Variants in CETN1 observed in about 807,000 individuals in gnomAD.
The protein encoded by CETN1 is centrin-1.
In CETN1, 6 loss-of-function variants were observed where a neutral mutation model predicts 8.1. The observed-to-expected ratio is 0.74, with a 90% CI of 0.40 to 1.46. The LOEUF (loss-of-function observed/expected upper bound fraction) is 1.46, where lower values mean the gene tolerates loss of function less well. Among genes scored for constraint, CETN1 ranks in the 40% most tolerant of loss-of-function variants. CETN1 has a pLI of 0.02. For missense variants in CETN1, 215 were observed against 226.2 expected, an observed-to-expected ratio of 0.95 and a Z score of 0.32; for synonymous variants, 99 against 90.3, an observed-to-expected ratio of 1.10 and a Z score of -0.55.
Position 580,801 on chromosome 18 carries a change from C to A in CETN1, c.393C>A (p.Asn131Lys). Residue 131 changes from asparagine (N) to lysine (K), a missense_variant, in exon 1 of 1, where the codon AAC (asparagine) becomes AAA (lysine). Asn to Lys is a moderately conservative substitution (Grantham distance 94). Transcript: ENST00000327228. The surrounding 1 kb of genome is among the most constrained non-coding windows in gnomAD (Gnocchi z 6.1). Reference protein sequence around the residue: ...ISFKNLKRVANELGENLTDEE... With the variant: ...ISFKNLKRVAKELGENLTDEE... ...TCAAAAACCTGAAGCGTGTGGCCAA[C>A]GAGCTGGGGGAGAACCTCACGGATG... 1 of 1,613,988 alleles carries A rather than the reference C, an allele frequency of 6.2e-7. No individual in the cohort carries two copies. The highest frequency in any genetic ancestry group is 8.5e-7 in the Non-Finnish European group (1 of 1,179,996).
rs777127670 is a variant in CETN1 at position 580,860 on chromosome 18, G to A, written c.452G>A (p.Arg151Gln). 1.2e-6 allele frequency: 2 copies of A among 1,614,052 alleles called. No individual in the cohort carries two copies. The highest frequency in any genetic ancestry group is 1.7e-6 in the Non-Finnish European group (2 of 1,179,996). ...CAGGAGATGATCGACGAAGCTGATC[G>A]GGATGGGGACGGCGAAGTGAACGAG... ...ELQEMIDEAD[R>Q]DGDGEVNEEE... Residue 151 changes from arginine to glutamine, a missense_variant, in exon 1 of 1, where the codon CGG becomes CAG. Transcript: ENST00000327228. This position sits in a 1 kb window ranked among gnomAD's most constrained non-coding sequence, Gnocchi z 6.1.
In CETN1 at chr18:580,388, C is replaced by G. The variant is rs2072542263; in HGVS notation, c.-21C>G. 2 of 1,550,058 alleles carry G rather than the reference C, an allele frequency of 1.3e-6. No individual in the cohort carries two copies. The highest frequency in any genetic ancestry group is 1.7e-6 in the Non-Finnish European group (2 of 1,150,094). ...GAGCGCGGGGCGGTGCCGTTGGGAC[C>G]ACGGCGGCCAGAGCGGCAGGATGGC... is the stretch of plus-strand genomic sequence containing the variant. On this transcript the variant is annotated 5_prime_UTR_variant, in exon 1 of 1. Coordinates refer to ENST00000327228, the MANE Select transcript of CETN1 (RefSeq NM_004066.3). This position sits in a 1 kb window ranked among gnomAD's most constrained non-coding sequence, Gnocchi z 6.1.
rs981380917 is a variant in CETN1, at chr18:581,436, A to G, written c.*509A>G. The G allele has an allele frequency of 1.2e-5, 2 of 170,188 alleles. No individual in the cohort carries two copies. Among genetic ancestry groups the G allele is most frequent in the African/African-American group, 4.8e-5 (2 of 41,472 alleles). 10.5% of individuals were successfully genotyped at this position (170,188 alleles called of 1,614,324 possible). Reference sequence around the variant, plus strand: ...GGCCACTTACAAACTTACGGAGCTCAGGACAGATAATCTTATAAAGAATAG... The same window carrying G: ...GGCCACTTACAAACTTACGGAGCTCGGGACAGATAATCTTATAAAGAATAG... On this transcript the variant is annotated 3_prime_UTR_variant, in exon 1 of 1. Transcript: ENST00000327228.
Position 580,572 on chromosome 18 carries a change from T to C in CETN1, c.164T>C (p.Val55Ala). ...SGTIDAKELK[V>A]AMRALGFEPR... ...ACCATCGACGCGAAGGAGCTGAAGG[T>C]GGCCATGAGAGCGCTGGGCTTCGAA... Residue 55 changes from valine to alanine, a missense_variant, in exon 1 of 1, where the codon GTG (valine) becomes GCG (alanine). Transcript: ENST00000327228. This position sits in a 1 kb window ranked among gnomAD's most constrained non-coding sequence, Gnocchi z 6.1. The C allele has an allele frequency of 6.2e-7, 1 of 1,614,014 alleles. No individual in the cohort carries two copies. The highest frequency in any genetic ancestry group is 8.5e-7 in the Non-Finnish European group (1 of 1,179,998).
At position 581,120 on chromosome 18, in the gene CETN1, G is replaced by C. The variant is rs955472579; in HGVS notation, c.*193G>C. 1.5e-6 allele frequency: 1 copy of C among 662,826 alleles called. No homozygotes were observed. Among genetic ancestry groups the C allele is most frequent in the Non-Finnish European group, 2.5e-6 (1 of 393,520 alleles). The allele number at this position is 662,826 out of a possible 1,614,324, so 41.1% of individuals were successfully genotyped here. A position where few individuals can be genotyped will look rare whatever the true frequency, so the allele number is the denominator to read the frequency against. On this transcript the variant is annotated 3_prime_UTR_variant, in exon 1 of 1. Transcript: ENST00000327228. ...GTGAGTTTTGGGTTTTAATTCTCAA[G>C]AGTCAACCTGGAGCACATGAGGTTA...
rs1195128251 is a variant in CETN1, at chr18:581,585, G to A, written c.*658G>A. On this transcript the variant is annotated 3_prime_UTR_variant, in exon 1 of 1. Coordinates refer to ENST00000327228, the MANE Select transcript of CETN1 (RefSeq NM_004066.3). ...TTATCTAGGGCTAGTATGTATACCT[G>A]GGCTACAGAATAAAAATAAAATCTA... The A allele has an allele frequency of 6.0e-6, 1 of 166,846 alleles. No homozygotes were observed. Among genetic ancestry groups the A allele is most frequent in the Non-Finnish European group, 1.5e-5 (1 of 68,106 alleles). 10.3% of individuals were successfully genotyped at this position (166,846 alleles called of 1,614,324 possible).
In CETN1 at chr18:580,404, G is replaced by T. The variant is rs764188717; in HGVS notation, c.-5G>T. 2.0e-4 allele frequency: 317 copies of T among 1,557,256 alleles called. No homozygotes were observed. Among genetic ancestry groups the T allele is most frequent in the Non-Finnish European group, 2.7e-4 (308 of 1,154,884 alleles). On this transcript the variant is annotated 5_prime_UTR_variant, in exon 1 of 1. Transcript: ENST00000327228. This position sits in a 1 kb window ranked among gnomAD's most constrained non-coding sequence, Gnocchi z 6.1. ...CGTTGGGACCACGGCGGCCAGAGCG[G>T]CAGGATGGCTTCCGGCTTCAAGAAG... is the stretch of plus-strand genomic sequence containing the variant.
At position 581,008 on chromosome 18, in the gene CETN1, C is replaced by T; in HGVS notation, c.*81C>T. 1 of 1,419,318 alleles carries T rather than the reference C, an allele frequency of 7.0e-7. No individual in the cohort carries two copies. Among genetic ancestry groups the T allele is most frequent in the East Asian group, 2.3e-5 (1 of 43,626 alleles). 87.9% of individuals were successfully genotyped at this position (1,419,318 alleles called of 1,614,324 possible). A position where few individuals can be genotyped will look rare whatever the true frequency, so the allele number is the denominator to read the frequency against. ...CCTTAGAGGACAGCGGCTGCCTGTC[C>T]CTTCTTCACCCCCTCACCCCCATAA... is the stretch of plus-strand genomic sequence containing the variant. On this transcript the variant is annotated 3_prime_UTR_variant, in exon 1 of 1. Transcript: ENST00000327228.
rs1182693476 is a variant in CETN1, at chr18:581,378, T to G, written c.*451T>G. 1 of 172,312 alleles carries G rather than the reference T, an allele frequency of 5.8e-6. No individual in the cohort carries two copies. The highest frequency in any genetic ancestry group is 1.4e-5 in the Non-Finnish European group (1 of 71,464). 10.7% of individuals were successfully genotyped at this position (172,312 alleles called of 1,614,324 possible). ...CAGTAGATTTGCCTAGCCTGTCCAC[T>G]TAGCTGAATACCAGTTTGAAGGAAA... On this transcript the variant is annotated 3_prime_UTR_variant, in exon 1 of 1. Coordinates refer to ENST00000327228, the MANE Select transcript of CETN1 (RefSeq NM_004066.3).
In CETN1 at chr18:580,935, T is replaced by C. The variant is rs761061148; in HGVS notation, c.*8T>C. On this transcript the variant is annotated 3_prime_UTR_variant, in exon 1 of 1. Coordinates refer to ENST00000327228, the MANE Select transcript of CETN1 (RefSeq NM_004066.3). The surrounding 1 kb of genome is among the most constrained non-coding windows in gnomAD (Gnocchi z 6.1). The stretch of plus-strand genomic sequence containing the variant: ...AAGACCAGCCTTTACTGAAGTCGGT[T>C]CAGAAGCTAAAGTGACTCTCTGGGT... 1 of 1,599,728 alleles carries C rather than the reference T, an allele frequency of 6.3e-7. No homozygotes were observed. Among genetic ancestry groups the C allele is most frequent in the Admixed American group, 1.7e-5 (1 of 58,690 alleles).
In CETN1 at chr18:581,070, A is replaced by G; in HGVS notation, c.*143A>G. On this transcript the variant is annotated 3_prime_UTR_variant, in exon 1 of 1. Transcript: ENST00000327228. ...CTATTTCCATATCTCTAGTTCAATA[A>G]TAGAATTTGAAAGATGCTTGTAATG... 3.5e-6 allele frequency: 3 copies of G among 868,262 alleles called. No homozygotes were observed. Among genetic ancestry groups the G allele is most frequent in the Non-Finnish European group, 5.3e-6 (3 of 569,934 alleles). 53.8% of individuals were successfully genotyped at this position (868,262 alleles called of 1,614,324 possible). A position where few individuals can be genotyped will look rare whatever the true frequency, so the allele number is the denominator to read the frequency against.
chr18:580,777 CA>C lies in CETN1; in HGVS notation c.374del (p.Asn125ThrfsTer2), dbSNP rs1483176907. On this transcript the variant is annotated frameshift_variant, in exon 1 of 1. Transcript: ENST00000327228. LOFTEE classifies it high-confidence loss of function. This position sits in a 1 kb window ranked among gnomAD's most constrained non-coding sequence, Gnocchi z 6.1. Reference sequence around the variant, plus strand: ...ACGATGAGACCGGGAAGATCTCGTTCAAAAACCTGAAGCGTGTGGCCAACGA... The same window carrying C: ...ACGATGAGACCGGGAAGATCTCGTTCAAAACCTGAAGCGTGTGGCCAACGA... The part of the protein sequence containing the change: ...DDDETGKISF[K>X]NLKRVANELG... 1.9e-6 allele frequency: 3 copies of C among 1,613,862 alleles called. No homozygotes were observed. Among genetic ancestry groups the C allele is most frequent in the East Asian group, 4.5e-5 (2 of 44,856 alleles).
In CETN1 at chr18:582,029, T is replaced by C. The variant is rs1247298342; in HGVS notation, c.*1102T>C. 2.4e-5 allele frequency: 4 copies of C among 166,294 alleles called. No homozygotes were observed. Among genetic ancestry groups the C allele is most frequent in the Non-Finnish European group, 4.4e-5 (3 of 68,112 alleles). The allele number at this position is 166,294 out of a possible 1,614,324, so 10.3% of individuals were successfully genotyped here. A position where few individuals can be genotyped will look rare whatever the true frequency, so the allele number is the denominator to read the frequency against. On this transcript the variant is annotated 3_prime_UTR_variant, in exon 1 of 1. Transcript: ENST00000327228. ...TTATTTTTTGCTTTGGAGTAAGATA[T>C]CATCATTTTGCATAGCTACAAATCT...
In CETN1 at chr18:580,498, G is replaced by A. The variant is rs767372763; in HGVS notation, c.90G>A (p.Lys30=). ...APKPELTEDQ[K]QEVREAFDLF... ...AGCCCGAGCTCACTGAGGATCAGAAGCAAGAAGTTCGGGAAGCATTTGACC... is the reference window on the plus strand; with the variant it reads ...AGCCCGAGCTCACTGAGGATCAGAAACAAGAAGTTCGGGAAGCATTTGACC... The change falls in exon 1 of 1, where the codon AAG becomes AAA. Residue 30 remains lysine, a synonymous_variant. Coordinates refer to ENST00000327228, the MANE Select transcript of CETN1 (RefSeq NM_004066.3). The surrounding 1 kb of genome is among the most constrained non-coding windows in gnomAD (Gnocchi z 6.1). 1.2e-6 allele frequency: 2 copies of A among 1,614,212 alleles called. No homozygotes were observed. The highest frequency in any genetic ancestry group is 8.5e-7 in the Non-Finnish European group (1 of 1,180,020).
chr18:580,525 C>A lies in CETN1; in HGVS notation c.117C>A (p.Leu39=), dbSNP rs1484214382. The change falls in exon 1 of 1, where the codon CTC becomes CTA. Residue 39 remains leucine (L), a synonymous_variant. Transcript: ENST00000327228. The surrounding 1 kb of genome is among the most constrained non-coding windows in gnomAD (Gnocchi z 6.1). ...AAGAAGTTCGGGAAGCATTTGACCTCTTCGACGTGGACGGAAGTGGGACCA... is the reference window on the plus strand; with the variant it reads ...AAGAAGTTCGGGAAGCATTTGACCTATTCGACGTGGACGGAAGTGGGACCA... ...QKQEVREAFD[L]FDVDGSGTID... is the part of the protein sequence containing the mutation. The A allele has an allele frequency of 6.2e-7, 1 of 1,614,190 alleles. No homozygotes were observed. The highest frequency in any genetic ancestry group is 1.1e-5 in the South Asian group (1 of 91,088).
Position 580,477 on chromosome 18 carries a change from C to A in CETN1, c.69C>A (p.Pro23=). 6.2e-7 allele frequency: 1 copy of A among 1,613,726 alleles called. No homozygotes were observed. The change falls in exon 1 of 1, where the codon CCC becomes CCA. Residue 23 remains proline, a synonymous_variant. Transcript: ENST00000327228. The surrounding 1 kb of genome is among the most constrained non-coding windows in gnomAD (Gnocchi z 6.1). ...TGQKRKVAPK[P]ELTEDQKQEV... Reference sequence around the variant, plus strand: ...AAAAGAGAAAGGTGGCACCTAAGCCCGAGCTCACTGAGGATCAGAAGCAAG... The same window carrying A: ...AAAAGAGAAAGGTGGCACCTAAGCCAGAGCTCACTGAGGATCAGAAGCAAG...
chr18:580,464 T>C lies in CETN1; in HGVS notation c.56T>C (p.Val19Ala). ...GCCTCCACCGGCCAAAAGAGAAAGG[T>C]GGCACCTAAGCCCGAGCTCACTGAG... ...SAASTGQKRK[V>A]APKPELTEDQ... is the part of the protein sequence containing the mutation. Residue 19 changes from valine to alanine, a missense_variant, in exon 1 of 1, where the codon GTG becomes GCG. Coordinates refer to ENST00000327228, the MANE Select transcript of CETN1 (RefSeq NM_004066.3). This position sits in a 1 kb window ranked among gnomAD's most constrained non-coding sequence, Gnocchi z 6.1. The C allele has an allele frequency of 6.2e-7, 1 of 1,611,598 alleles. No homozygotes were observed. Among genetic ancestry groups the C allele is most frequent in the East Asian group, 2.2e-5 (1 of 44,726 alleles).
Position 580,735 on chromosome 18 carries a change from C to A in CETN1, c.327C>A (p.Ala109=). The part of the protein sequence containing the change: ...EKDTKEEILK[A]FRLFDDDETG... Reference sequence around the variant, plus strand: ...ACACCAAAGAAGAAATCCTGAAGGCCTTCAGGCTCTTTGATGACGATGAGA... The same window carrying A: ...ACACCAAAGAAGAAATCCTGAAGGCATTCAGGCTCTTTGATGACGATGAGA... Residue 109 remains alanine (A), a synonymous_variant, in exon 1 of 1, where the codon GCC becomes GCA. Transcript: ENST00000327228. The surrounding 1 kb of genome is among the most constrained non-coding windows in gnomAD (Gnocchi z 6.1). The A allele has an allele frequency of 6.2e-7, 1 of 1,613,980 alleles. No homozygotes were observed. Among genetic ancestry groups the A allele is most frequent in the Non-Finnish European group, 8.5e-7 (1 of 1,180,032 alleles).
chr18:580,984 C>T lies in CETN1; in HGVS notation c.*57C>T. The T allele has an allele frequency of 1.3e-6, 2 of 1,545,882 alleles. No homozygotes were observed. The highest frequency in any genetic ancestry group is 1.7e-6 in the Non-Finnish European group (2 of 1,146,092). On this transcript the variant is annotated 3_prime_UTR_variant, in exon 1 of 1. Coordinates refer to ENST00000327228, the MANE Select transcript of CETN1 (RefSeq NM_004066.3). This position sits in a 1 kb window ranked among gnomAD's most constrained non-coding sequence, Gnocchi z 6.1. Reference sequence around the variant, plus strand: ...GTTGCCTGCTTCCATTTTGTGAAACCTTAGAGGACAGCGGCTGCCTGTCCC... The same window carrying T: ...GTTGCCTGCTTCCATTTTGTGAAACTTTAGAGGACAGCGGCTGCCTGTCCC...
Sources: gnomAD v4.1 joint callset for allele counts on GRCh38, gnomAD v4.1.1 for gene constraint, Gnocchi (gnomAD v3.1) non-coding constraint, MANE v1.5 for transcripts, NCBI Gene and HGNC (gene_info 2026-07-23, HGNC 2026-07-21) for gene names.